Variants in DOK6 observed in about 807,000 individuals in gnomAD.
DOK6 encodes the protein downstream of tyrosine kinase 6.
In DOK6, 22 loss-of-function variants were observed where a neutral mutation model predicts 44.0. That is an observed-to-expected ratio of 0.50 (90% CI 0.36 to 0.71). The LOEUF (loss-of-function observed/expected upper bound fraction) is 0.71, where lower values mean the gene tolerates loss of function less well. Ranked by LOEUF, DOK6 falls within the 30% of genes least tolerant of loss-of-function variation. DOK6 has a pLI of 0.00. For synonymous variants in DOK6, 166 were observed against 145.5 expected (o/e 1.14, Z -1.01); for missense variants, 340 against 416.4 (o/e 0.82, Z 1.60).
intron 7 of DOK6, among the ~76,000 whole-genome samples, chr18:69,825,890 TAA>T (rs373518533): frequency 3.4e-5 from 5 of 146,308 alleles, no homozygotes; most frequent in Admixed American, 6.9e-5. Flanking sequence ...AGTGTGGCAT[TAA>T]AAAAAAAAAG....
intron 1 of DOK6, among the ~76,000 whole-genome samples, chr18:69,500,300 G>A (rs1330562937): frequency 4.6e-5 from 7 of 152,086 alleles, no homozygotes; most frequent in Non-Finnish European, 7.4e-5. Flanking sequence ...TTCAGATTTT[G>A]TACTTGCTCC....
chr18:69,406,239 T>G (rs1301555415), intron 1 of DOK6, among the ~76,000 whole-genome samples: 1 of 152,250 alleles, frequency 6.6e-6, no homozygotes, highest in Non-Finnish European at 1.5e-5. Flanking sequence ...TATTTTGCAT[T>G]ATCTTCAACT....
chr18:69,696,093 A>G (rs1174126338), intron 4 of DOK6, among the ~76,000 whole-genome samples: 2 of 152,194 alleles, frequency 1.3e-5, no homozygotes, highest in Non-Finnish European at 2.9e-5. Flanking sequence ...AGACAGAGAT[A>G]GAGATACATA....
chr18:69,481,897 T>C (rs1173714880), intron 1 of DOK6, among the ~76,000 whole-genome samples: 1 of 152,178 alleles, frequency 6.6e-6, no homozygotes, highest in Non-Finnish European at 1.5e-5. Context: ...GTTTCCTGAC[T>C]TTTTAATGAT....
At chr18:69,501,932 A>G (rs530653308) in intron 1 of DOK6, among the ~76,000 whole-genome samples, 29 of 152,284 alleles carry the variant, frequency 1.9e-4, no homozygotes, top group African/African-American at 6.0e-4. Flanking sequence ...TTGATTGTGT[A>G]GGAAACAGAA....
chr18:69,569,709 A>ATT (rs201429653), intron 2 of DOK6, among the ~76,000 whole-genome samples: 1 of 151,322 alleles, frequency 6.6e-6, no homozygotes. Context: ...AACAAAAATT[A>ATT]TTTTTTTTTA....
intron 3 of DOK6, chr18:69,660,444 G>T (rs1985492953): frequency 6.6e-6 from 1 of 152,048 alleles, no homozygotes; most frequent in Non-Finnish European, 1.5e-5. Flanking sequence ...TTTTATCGTG[G>T]TATGCGCTAG....
At chr18:69,581,691 T>C (rs1196807643) in intron 2 of DOK6, among the ~76,000 whole-genome samples, 1 of 152,186 alleles carries the variant, frequency 6.6e-6, no homozygotes, top group Non-Finnish European at 1.5e-5. Context: ...TCCTCTCCCA[T>C]CTCTACTAAA....
rs559027450 is a variant in DOK6, at chr18:69,734,445, TA to T, written c.600-4517del. ...AAATTCTAGCATCGTTAAATGACAA[TA>T]AAGATTAAACTGTTAACAGAATAAG... On this transcript the variant is annotated intron_variant, in intron 5 of 7. Coordinates refer to ENST00000382713, the MANE Select transcript of DOK6 (RefSeq NM_152721.6). Among the ~76,000 whole-genome samples the T allele has an allele frequency of 3.0e-4, 20 of 67,190 alleles. No individual in the cohort carries two copies. The East Asian group carries it at 7.9e-3, about 27-fold the overall frequency. The allele number at this position is 67,190 out of a possible 152,430, so 44.1% of individuals were successfully genotyped here.
intron 1 of DOK6, among the ~76,000 whole-genome samples, chr18:69,455,156 C>CAAAAAAAA (rs58451274): frequency 1.5e-4 from 18 of 117,420 alleles, no homozygotes; most frequent in East Asian, 2.4e-4. Context: ...ATAGCTATAG[C>CAAAAAAAA]AAAAAAAAAA....
At chr18:69,685,883 G>A (rs1325776813) in intron 4 of DOK6, among the ~76,000 whole-genome samples, 4 of 151,878 alleles carry the variant, frequency 2.6e-5, no homozygotes, top group Non-Finnish European at 4.4e-5. Context: ...TTTCTTAGTC[G>A]GCATCACTAG....
intron 1 of DOK6, among the ~76,000 whole-genome samples, chr18:69,519,336 C>T (rs1224452311): frequency 6.6e-6 from 1 of 151,868 alleles, no homozygotes; most frequent in Non-Finnish European, 1.5e-5. Flanking sequence ...CCAAATTATA[C>T]TCATAGCCAC....
intron 1 of DOK6, among the ~76,000 whole-genome samples, chr18:69,510,484 G>T (rs553099602): frequency 1.3e-5 from 2 of 152,230 alleles, no homozygotes; most frequent in African/African-American, 2.4e-5. Flanking sequence ...CAAATGAGAT[G>T]AATTGGAGTT....
At chr18:69,522,863 A>G (rs1461130698) in intron 1 of DOK6, among the ~76,000 whole-genome samples, 4 of 152,088 alleles carry the variant, frequency 2.6e-5, no homozygotes, top group African/African-American at 9.7e-5. Flanking sequence ...AGAAAAGTAT[A>G]TCTATATTTT....
intron 4 of DOK6, among the ~76,000 whole-genome samples, chr18:69,686,559 G>C (rs1230296643): frequency 1.3e-5 from 2 of 152,058 alleles, no homozygotes; most frequent in African/African-American, 4.8e-5. Flanking sequence ...TTAAATCTGA[G>C]GGGGGATCTA....
Position 69,617,490 on chromosome 18 carries a change from AAGAAAGAAAGAAAG to A in DOK6, c.289+18006_289+18019del, listed in dbSNP as rs1370224389. 4.1e-5 allele frequency among the ~76,000 whole-genome samples: 6 copies of A among 144,694 alleles called. No individual in the cohort carries two copies. In the South Asian group the frequency reaches 9.1e-4, roughly 22 times the overall value. The allele number at this position is 144,694 out of a possible 152,430, so 94.9% of individuals were successfully genotyped here. ...GAAAAAGACAGCAATAGGAGAAAAG[AAGAAAGAAAGAAAG>A]AGAAAGAAAGAAAAGAAAGAAAGGA... On this transcript the variant is annotated intron_variant, in intron 3 of 7. Transcript: ENST00000382713.
chr18:69,611,705 G>A (rs1405838052), intron 3 of DOK6, among the ~76,000 whole-genome samples: 3 of 152,144 alleles, frequency 2.0e-5, no homozygotes, highest in Non-Finnish European at 2.9e-5. Context: ...TACACTAAGT[G>A]ACAGAAAGCA....
chr18:69,476,226 T>C (rs1980257555), intron 1 of DOK6, among the ~76,000 whole-genome samples: 1 of 152,248 alleles, frequency 6.6e-6, no homozygotes, highest in African/African-American at 2.4e-5. Flanking sequence ...AGTTTTTTTG[T>C]GAGTTTATCA....
intron 4 of DOK6, among the ~76,000 whole-genome samples, chr18:69,686,754 G>C (rs1986160915): frequency 6.6e-6 from 1 of 151,974 alleles, no homozygotes; most frequent in Non-Finnish European, 1.5e-5. Context: ...TAAGACACTA[G>C]CTTTAATAAC....
Sources: gnomAD v4.1 joint callset for allele counts (sites outside exome capture counted in the v4.1 genomes callset) on GRCh38, gnomAD v4.1.1 for gene constraint, MANE v1.5 for transcripts, NCBI Gene and HGNC (gene_info 2026-07-23, HGNC 2026-07-21) for gene names.